The following ARHGAP19 variants were observed in gnomAD, a reference collection of about 807,000 sequenced individuals.
The protein encoded by ARHGAP19 is Rho GTPase activating protein 19, also known as rho GTPase-activating protein 19.
Under a neutral mutation model 60.9 loss-of-function variants are expected in ARHGAP19, and 48 were observed. The observed-to-expected ratio is 0.79, with a 90% CI of 0.62 to 1.00. The LOEUF (loss-of-function observed/expected upper bound fraction) is 1.00, where lower values mean the gene tolerates loss of function less well. ARHGAP19 is among the 50% of genes least tolerant of loss of function. The probability of loss-of-function intolerance (pLI) is 0.00; values close to 1 mark genes in which losing one functional copy is unlikely to be tolerated. For missense variants in ARHGAP19, 562 were observed against 597.2 expected (o/e 0.94, Z 0.61); for synonymous variants, 209 against 215.5 (o/e 0.97, Z 0.27).
chr10:97,272,989 C>T (rs546042707), intron 1 of ARHGAP19, among the ~76,000 whole-genome samples: 18 of 151,724 alleles, frequency 1.2e-4, no homozygotes, highest in African/African-American at 4.1e-4. Context: ...TACAGGTGCC[C>T]GCCACCACGC....
chr10:97,257,445 G>A (rs927542024), intron 5 of ARHGAP19, among the ~76,000 whole-genome samples: 45 of 151,730 alleles, frequency 3.0e-4, no homozygotes, highest in African/African-American at 8.7e-4. Context: ...GTGCCACCAC[G>A]TCCAGCTTAT....
chr10:97,229,133 AGTAC>A lies in ARHGAP19; in HGVS notation c.1474+10_1474+13del. On this transcript the variant is annotated intron_variant, in intron 11 of 11. Coordinates refer to ENST00000358531, the MANE Select transcript of ARHGAP19 (RefSeq NM_032900.6). ...TTACATTTAGTAAGAACAGAGAGTA[AGTAC>A]AATTAGTACCTTTTTTCCCCTCTTT... 1 of 1,605,046 alleles carries A rather than the reference AGTAC, an allele frequency of 6.2e-7. No individual in the cohort carries two copies. The highest frequency in any genetic ancestry group is 2.2e-5 in the East Asian group (1 of 44,834).
At chr10:97,284,179 G>A (rs370480332) in intron 1 of ARHGAP19, among the ~76,000 whole-genome samples, 3 of 152,256 alleles carry the variant, frequency 2.0e-5, no homozygotes, top group South Asian at 2.1e-4. Context: ...CTGGAGTACA[G>A]TGGTGCAATC....
At chr10:97,273,955 C>G (rs942846122) in intron 1 of ARHGAP19, among the ~76,000 whole-genome samples, 2 of 147,488 alleles carry the variant, frequency 1.4e-5, no homozygotes, top group African/African-American at 2.4e-5. Context: ...GCAAAAGAAG[C>G]CACACATACA....
chr10:97,271,362 T>A (rs148813028), intron 1 of ARHGAP19, among the ~76,000 whole-genome samples: 11 of 151,860 alleles, frequency 7.2e-5, no homozygotes, highest in African/African-American at 2.7e-4. Context: ...AATCTAAAAC[T>A]TTAAAAGTAA....
intron 1 of ARHGAP19, among the ~76,000 whole-genome samples, chr10:97,269,316 G>A (rs377361995): frequency 3.4e-4 from 52 of 152,134 alleles, no homozygotes; most frequent in Non-Finnish European, 6.8e-4. Flanking sequence ...TTCAGCTGGT[G>A]GCTAGGAGAT....
At position 97,235,327 on chromosome 10, in the gene ARHGAP19, C is replaced by T; in HGVS notation, c.1186-12G>A. ...GATTGCTTATTAAACTAAAAGAAAA[C>T]ATGGAGAACATTTTATAAATACTTT... On this transcript the variant is annotated splice_polypyrimidine_tract_variant and intron_variant, in intron 8 of 11. Coordinates refer to ENST00000358531, the MANE Select transcript of ARHGAP19 (RefSeq NM_032900.6). The T allele has an allele frequency of 6.3e-7, 1 of 1,578,326 alleles. No homozygotes were observed. Among genetic ancestry groups the T allele is most frequent in the Non-Finnish European group, 8.7e-7 (1 of 1,148,770 alleles).
In ARHGAP19 at chr10:97,222,632, C is replaced by A. The variant is rs1850824848; in HGVS notation, c.*3490G>T. 1 of 152,210 alleles carries A rather than the reference C, an allele frequency of 6.6e-6. No individual in the cohort carries two copies. Among genetic ancestry groups the A allele is most frequent in the Non-Finnish European group, 1.5e-5 (1 of 68,026 alleles). 9.4% of individuals were successfully genotyped at this position (152,210 alleles called of 1,614,324 possible). On this transcript the variant is annotated 3_prime_UTR_variant, in exon 12 of 12. Coordinates refer to ENST00000358531, the MANE Select transcript of ARHGAP19 (RefSeq NM_032900.6). ...AGTGGGTTTTAGTTGAGTTAATCAC[C>A]ACTGGTGTAAAACGCTTGTGCATCT...
At chr10:97,288,110 T>G (rs1030338013) in intron 1 of ARHGAP19, among the ~76,000 whole-genome samples, 11 of 152,156 alleles carry the variant, frequency 7.2e-5, no homozygotes, top group African/African-American at 2.7e-4. Flanking sequence ...GTTAAAGCAT[T>G]TGTAATTATT....
chr10:97,271,928 T>C (rs10736115), intron 1 of ARHGAP19, among the ~76,000 whole-genome samples: 90,432 of 151,578 alleles, frequency 0.6, 27,262 homozygotes, highest in East Asian at 0.74. Context: ...TTTTCTATTG[T>C]TAAACCAACC....
At position 97,243,900 on chromosome 10, in the gene ARHGAP19, G is replaced by A. The variant is rs1842524841; in HGVS notation, c.1185+68C>T. On this transcript the variant is annotated intron_variant, in intron 8 of 11. Coordinates refer to ENST00000358531, the MANE Select transcript of ARHGAP19 (RefSeq NM_032900.6). Reference sequence around the variant, plus strand: ...AATTAAATGAGATTCTTAACAATATGACCTACTGATTCTACAACCACGATT... The same window carrying A: ...AATTAAATGAGATTCTTAACAATATAACCTACTGATTCTACAACCACGATT... 3.6e-6 allele frequency: 5 copies of A among 1,389,438 alleles called. No individual in the cohort carries two copies. In the South Asian group the frequency reaches 5.6e-5, roughly 16 times the overall value. 86.1% of individuals were successfully genotyped at this position (1,389,438 alleles called of 1,614,324 possible). A position where few individuals can be genotyped will look rare whatever the true frequency, so the allele number is the denominator to read the frequency against.
chr10:97,236,803 GAAA>G (rs71007323), intron 8 of ARHGAP19, among the ~76,000 whole-genome samples: 1,670 of 80,034 alleles, frequency 0.021, 27 homozygotes, highest in African/African-American at 0.076. Context: ...AACAGACTCA[GAAA>G]AAAAAAAAAA....
In ARHGAP19 at chr10:97,254,876, C is replaced by T. The variant is rs144385767; in HGVS notation, c.927+1442G>A. 4.5e-3 allele frequency among the ~76,000 whole-genome samples: 678 copies of T among 152,204 alleles called. 7 individuals carry two copies. Among genetic ancestry groups the T allele is most frequent in the African/African-American group, 0.015 (643 of 41,534 alleles). On this transcript the variant is annotated intron_variant, in intron 6 of 11. Coordinates refer to ENST00000358531, the MANE Select transcript of ARHGAP19 (RefSeq NM_032900.6). ...GGTATATACACACAGTGGAATACTA[C>T]GCACCCTTAAAAAGGAAGGAAATCC...
intron 8 of ARHGAP19, among the ~76,000 whole-genome samples, chr10:97,242,457 C>T (rs909411144): frequency 4.0e-5 from 6 of 151,508 alleles, no homozygotes; most frequent in East Asian, 3.9e-4. Context: ...CCTCAGCCTC[C>T]GGAATAGCTG....
chr10:97,250,117 T>C (rs1842621943), intron 6 of ARHGAP19, among the ~76,000 whole-genome samples: 1 of 152,060 alleles, frequency 6.6e-6, no homozygotes, highest in South Asian at 2.1e-4. Context: ...ATGTTTATTA[T>C]TGGGAGATGC....
intron 8 of ARHGAP19, among the ~76,000 whole-genome samples, chr10:97,241,907 G>A (rs1842488612): frequency 6.6e-6 from 1 of 151,650 alleles, no homozygotes; most frequent in African/African-American, 2.4e-5. Flanking sequence ...CTACTCAGGA[G>A]GCTGAGGCAG....
At chr10:97,267,623 T>A (rs777925143) in intron 1 of ARHGAP19, among the ~76,000 whole-genome samples, 1 of 152,228 alleles carries the variant, frequency 6.6e-6, no homozygotes, top group Non-Finnish European at 1.5e-5. Context: ...TTTCCATACA[T>A]CCTCTGAAAT....
chr10:97,243,748 T>C (rs2134838640), intron 8 of ARHGAP19, among the ~76,000 whole-genome samples: 1 of 152,304 alleles, frequency 6.6e-6, no homozygotes, highest in Non-Finnish European at 1.5e-5. Context: ...AGAGACTCTC[T>C]AACCACACTT....
chr10:97,229,733 C>T, intron 10 of ARHGAP19, 31 bp downstream of exon 10: 2 of 1,469,682 alleles, frequency 1.4e-6, no homozygotes, highest in Non-Finnish European at 1.9e-6. Context: ...TATATACAGA[C>T]AGACAGACAG....
Sources: gnomAD v4.1 joint callset for allele counts (sites outside exome capture counted in the v4.1 genomes callset) on GRCh38, gnomAD v4.1.1 for gene constraint, MANE v1.5 for transcripts, NCBI Gene and HGNC (gene_info 2026-07-23, HGNC 2026-07-21) for gene names.